The following SPMIP2 variants were observed in gnomAD, a reference collection of about 807,000 sequenced individuals.
SPMIP2 encodes sperm microtubule inner protein 2.
chr4:159,012,343 A>G, the SPMIP2 span, among the ~76,000 whole-genome samples: 1 of 152,224 alleles, frequency 6.6e-6, no homozygotes, highest in Non-Finnish European at 1.5e-5. Context: ...TATGAGCTAC[A>G]TGATTACGTG....
the SPMIP2 span, among the ~76,000 whole-genome samples, chr4:158,931,780 C>T: frequency 3.9e-5 from 6 of 152,084 alleles, no homozygotes; most frequent in South Asian, 2.1e-4. Flanking sequence ...CCAGGCTGGT[C>T]TCAAACTCTT....
At chr4:158,905,672 A>G in the SPMIP2 span, 1 of 148,072 alleles carries the variant, frequency 6.8e-6, no homozygotes, top group South Asian at 2.2e-4. Context: ...AAACCGACCA[A>G]AATGATTTCC....
chr4:159,020,923 G>A, the SPMIP2 span, among the ~76,000 whole-genome samples: 4 of 152,144 alleles, frequency 2.6e-5, no homozygotes, highest in East Asian at 1.9e-4. Context: ...CACCACGCCC[G>A]GCTAATTTTT....
At chr4:159,028,264 G>A in the SPMIP2 span, among the ~76,000 whole-genome samples, 2 of 152,056 alleles carry the variant, frequency 1.3e-5, no homozygotes, top group African/African-American at 4.8e-5. Context: ...TTTAATTTGA[G>A]CCAAGTAGGA....
chr4:158,930,836 C>A, the SPMIP2 span, among the ~76,000 whole-genome samples: 1 of 152,268 alleles, frequency 6.6e-6, no homozygotes, highest in South Asian at 2.1e-4. Flanking sequence ...ATATGATAGT[C>A]ATTTTTCATT....
At chr4:159,063,644 A>T in the SPMIP2 span, among the ~76,000 whole-genome samples, 1 of 152,136 alleles carries the variant, frequency 6.6e-6, no homozygotes, top group Non-Finnish European at 1.5e-5. Flanking sequence ...GTTCATTCCT[A>T]AAGCTTTAGT....
chr4:158,949,604 T>C, the SPMIP2 span, among the ~76,000 whole-genome samples: 1 of 152,118 alleles, frequency 6.6e-6, no homozygotes, highest in Non-Finnish European at 1.5e-5. Context: ...TGCGGGATAT[T>C]AAGTGATTTC....
chr4:159,054,374 C>T, the SPMIP2 span, among the ~76,000 whole-genome samples: 8 of 152,156 alleles, frequency 5.3e-5, 1 homozygote, highest in Admixed American at 1.3e-4. Flanking sequence ...ATAATGACCT[C>T]CCCTCCTCCA....
the SPMIP2 span, among the ~76,000 whole-genome samples, chr4:158,996,611 G>T: frequency 6.6e-6 from 1 of 152,170 alleles, no homozygotes; most frequent in African/African-American, 2.4e-5. Flanking sequence ...GAGGAATCCA[G>T]GGTTGCTTTC....
chr4:158,967,735 G>T, the SPMIP2 span, among the ~76,000 whole-genome samples: 1 of 152,164 alleles, frequency 6.6e-6, no homozygotes, highest in African/African-American at 2.4e-5. Flanking sequence ...CAGAAATTCT[G>T]AAATATGTAT....
the SPMIP2 span, among the ~76,000 whole-genome samples, chr4:159,073,392 G>A: frequency 6.6e-6 from 1 of 152,092 alleles, no homozygotes; most frequent in Non-Finnish European, 1.5e-5. Flanking sequence ...GGGCTCAAGC[G>A]ATCTGCCCAA....
chr4:159,039,789 GTC>G, the SPMIP2 span, among the ~76,000 whole-genome samples: 1 of 152,218 alleles, frequency 6.6e-6, no homozygotes, highest in Non-Finnish European at 1.5e-5. Flanking sequence ...GTTGGCTATT[GTC>G]TCGCTTCGAT....
At chr4:159,004,872 T>C in the SPMIP2 span, among the ~76,000 whole-genome samples, 10 of 152,090 alleles carry the variant, frequency 6.6e-5, no homozygotes, top group Non-Finnish European at 1.2e-4. Context: ...GTTTGTTTGT[T>C]TGAGATGGAG....
the SPMIP2 span, among the ~76,000 whole-genome samples, chr4:158,967,433 A>T: frequency 6.6e-6 from 1 of 152,222 alleles, no homozygotes; most frequent in Non-Finnish European, 1.5e-5. Flanking sequence ...TTTTTATGTT[A>T]AACCACAAAC....
the SPMIP2 span, among the ~76,000 whole-genome samples, chr4:158,946,133 T>A: frequency 1.3e-5 from 2 of 152,206 alleles, no homozygotes; most frequent in South Asian, 2.1e-4. Context: ...TCTTTCATAA[T>A]TTATGTGAAG....
chr4:159,082,263 G>A, the SPMIP2 span, among the ~76,000 whole-genome samples: 1 of 151,884 alleles, frequency 6.6e-6, no homozygotes, highest in Admixed American at 6.6e-5. Context: ...AACCTGGGAG[G>A]CAGAGGTTGC....
chr4:158,926,359 C>T, the SPMIP2 span, among the ~76,000 whole-genome samples: 62 of 152,094 alleles, frequency 4.1e-4, no homozygotes, highest in African/African-American at 1.4e-3. Context: ...ACCTTCGCTG[C>T]ATCCCTAAAG....
chr4:159,042,963 C>A, the SPMIP2 span, among the ~76,000 whole-genome samples: 1 of 152,072 alleles, frequency 6.6e-6, no homozygotes, highest in South Asian at 2.1e-4. Context: ...CGCGCCTAGC[C>A]TAGGTACTTT....
the SPMIP2 span, among the ~76,000 whole-genome samples, chr4:159,006,269 G>T: frequency 1.3e-5 from 2 of 152,186 alleles, no homozygotes; most frequent in Non-Finnish European, 2.9e-5. Flanking sequence ...GGTTTTTAGT[G>T]TACATAACTG....
Sources: gnomAD v4.1 joint callset for allele counts (sites outside exome capture counted in the v4.1 genomes callset) on GRCh38, gnomAD v4.1.1 for gene constraint, MANE v1.5 for transcripts, NCBI Gene and HGNC (gene_info 2026-07-23, HGNC 2026-07-21) for gene names.